Variants in UGT1A5 observed in about 807,000 individuals in gnomAD.
UGT1A5 encodes UDP glucuronosyltransferase family 1 member A5.
In UGT1A5, 29 loss-of-function variants were observed where a neutral mutation model predicts 40.3. The ratio of observed to expected loss-of-function variants is 0.72; its 90% CI spans 0.54 to 0.98. UGT1A5 has a LOEUF of 0.98. UGT1A5 is among the 50% of genes least tolerant of loss of function. The pLI, the probability that UGT1A5 is intolerant of heterozygous loss-of-function variation, is 0.00. For synonymous variants in UGT1A5, 257 were observed against 262.5 expected, an observed-to-expected ratio of 0.98 and a Z score of 0.20; for missense variants, 678 against 677.9, an observed-to-expected ratio of 1.00 and a Z score of 0.00.
chr2:233,741,753 A>G (rs1361803894), intron 1 of UGT1A5: 2 of 151,870 alleles, frequency 1.3e-5, no homozygotes, highest in African/African-American at 4.9e-5. Context: ...TTTGTTGGTT[A>G]ATGATGTGTT....
At chr2:233,760,450 C>T (rs1218272105) in intron 1 of UGT1A5, 1 of 1,614,084 alleles carries the variant, frequency 6.2e-7, no homozygotes, top group East Asian at 2.2e-5. Context: ...GCAGAGGGGA[C>T]ATGAAATAGT....
intron 1 of UGT1A5, among the ~76,000 whole-genome samples, chr2:233,738,306 T>C (rs181527860): frequency 9.5e-4 from 144 of 152,344 alleles, no homozygotes; most frequent in Non-Finnish European, 1.5e-3. Context: ...TATGTCTTTA[T>C]AGCAGTGTGT....
intron 1 of UGT1A5, among the ~76,000 whole-genome samples, chr2:233,737,258 C>A (rs552536149): frequency 6.6e-6 from 1 of 152,360 alleles, no homozygotes; most frequent in Admixed American, 6.5e-5. Context: ...CAAGCCTCAG[C>A]AATGGCGGAC....
At position 233,768,350 on chromosome 2, in the gene UGT1A5, G is replaced by A; in HGVS notation, c.1218G>A (p.Glu406=). 1 of 1,614,182 alleles carries A rather than the reference G, an allele frequency of 6.2e-7. No individual in the cohort carries two copies. Among genetic ancestry groups the A allele is most frequent in the East Asian group, 2.2e-5 (1 of 44,880 alleles). Residue 406 remains glutamate, a synonymous_variant, in exon 4 of 5, where the codon GAG becomes GAA. Transcript: ENST00000373414. ...GDQMDNAKRM[E]TKGAGVTLNV... is the part of the protein sequence containing the mutation. ...AGATGGACAATGCAAAGCGCATGGA[G>A]ACTAAGGGAGCTGGAGTGACCCTGA... is the stretch of plus-strand genomic sequence containing the variant.
chr2:233,760,385 T>A (rs368348566), intron 1 of UGT1A5: 30 of 1,614,058 alleles, frequency 1.9e-5, no homozygotes, highest in Non-Finnish European at 2.5e-5. Flanking sequence ...ATACTGTTGA[T>A]CCCAGTGGAT....
At chr2:233,729,087 G>A (rs1254975365) in intron 1 of UGT1A5, 3 of 1,612,408 alleles carry the variant, frequency 1.9e-6, no homozygotes, top group African/African-American at 1.3e-5. Context: ...AGCAGGCACA[G>A]CGTGGGGTGG....
chr2:233,718,673 G>T lies in UGT1A5; in HGVS notation c.867+4815G>T. 3 of 1,556,294 alleles carry T rather than the reference G, an allele frequency of 1.9e-6. No individual in the cohort carries two copies. The Admixed American group carries it at 5.7e-5, about 30-fold the overall frequency. ...ACGAAAGGCAGTTATAGATTAATGG[G>T]TAATAAGTAACTGGAGGAGGGCACT... On this transcript the variant is annotated intron_variant, in intron 1 of 4. Transcript: ENST00000373414.
In UGT1A5 at chr2:233,772,705, C is replaced by G. The variant is rs769331263; in HGVS notation, c.*146C>G. ...CAGCCCCAGAGTGCTTTAAAAAATT[C>G]TCTTAAATAAAAATAATAGACTCGC... is the stretch of plus-strand genomic sequence containing the variant. On this transcript the variant is annotated 3_prime_UTR_variant, in exon 5 of 5. Coordinates refer to ENST00000373414, the MANE Select transcript of UGT1A5 (RefSeq NM_019078.2). 3.4e-6 allele frequency: 5 copies of G among 1,474,690 alleles called. No individual in the cohort carries two copies. Among genetic ancestry groups the G allele is most frequent in the Non-Finnish European group, 4.5e-6 (5 of 1,119,720 alleles). 91.4% of individuals were successfully genotyped at this position (1,474,690 alleles called of 1,614,324 possible).
intron 1 of UGT1A5, chr2:233,760,624 T>G (rs1305127348): frequency 6.2e-7 from 1 of 1,614,172 alleles, no homozygotes; most frequent in Non-Finnish European, 8.5e-7. Flanking sequence ...GATCAAAACA[T>G]ACAAGAAAAT....
chr2:233,755,095 C>A, intron 1 of UGT1A5: 1 of 1,334,726 alleles, frequency 7.5e-7, no homozygotes, highest in Non-Finnish European at 1.0e-6. Context: ...CGTTTCTACG[C>A]GTCCGACAAC....
chr2:233,726,873 G>A (rs1410865062), intron 1 of UGT1A5, among the ~76,000 whole-genome samples: 1 of 151,998 alleles, frequency 6.6e-6, no homozygotes, highest in Non-Finnish European at 1.5e-5. Context: ...TATTCTCCAG[G>A]CTTCAGAGCT....
intron 1 of UGT1A5, chr2:233,760,489 A>C (rs756552149): frequency 6.2e-7 from 1 of 1,614,268 alleles, no homozygotes; most frequent in East Asian, 2.2e-5. Context: ...CTCGTTGTAC[A>C]TCAGAGACGG....
Position 233,768,287 on chromosome 2 carries a change from T to C in UGT1A5, c.1155T>C (p.Asn385=), listed in dbSNP as rs1256701591. ...ATGGTGTTTATGAAAGCATATGCAA[T>C]GGCGTTCCCATGGTGATGATGCCCT... ...GSHGVYESIC[N]GVPMVMMPLF... Residue 385 remains asparagine (N), a synonymous_variant, in exon 4 of 5, where the codon AAT becomes AAC. Coordinates refer to ENST00000373414, the MANE Select transcript of UGT1A5 (RefSeq NM_019078.2). 1 of 1,614,056 alleles carries C rather than the reference T, an allele frequency of 6.2e-7. No homozygotes were observed. Among genetic ancestry groups the C allele is most frequent in the Non-Finnish European group, 8.5e-7 (1 of 1,180,042 alleles).
intron 4 of UGT1A5, chr2:233,770,959 T>C (rs1275512956): frequency 1.3e-5 from 2 of 152,178 alleles, no homozygotes; most frequent in East Asian, 3.9e-4. Context: ...AGGGAGCTTT[T>C]ACTCATGGCA....
chr2:233,741,302 A>G (rs1379292322), intron 1 of UGT1A5, among the ~76,000 whole-genome samples: 1 of 151,744 alleles, frequency 6.6e-6, no homozygotes, highest in Non-Finnish European at 1.5e-5. Context: ...AATTGTGTAG[A>G]TACACACCAA....
rs200729912 is a variant in UGT1A5 at position 233,749,181 on chromosome 2, T to A, written c.868-17853T>A. Among the ~76,000 whole-genome samples, 4 of 151,898 alleles carry A rather than the reference T, an allele frequency of 2.6e-5. No homozygotes were observed. The East Asian group carries it at 7.7e-4, about 29-fold the overall frequency. On this transcript the variant is annotated intron_variant, in intron 1 of 4. Transcript: ENST00000373414. The stretch of plus-strand genomic sequence containing the variant: ...CCTTTTGTATTTTTATTTCTGTACT[T>A]CTTTTTATTAACATAGGTATTATTG...
chr2:233,717,657 C>T (rs2076595751), intron 1 of UGT1A5: 1 of 407,814 alleles, frequency 2.5e-6, no homozygotes, highest in South Asian at 1.8e-5. Context: ...GACAAGGAAG[C>T]ATCAGCAATC....
Position 233,769,613 on chromosome 2 carries a change from C to A in UGT1A5, c.1307+1174C>A. 6 of 1,612,708 alleles carry A rather than the reference C, an allele frequency of 3.7e-6. No individual in the cohort carries two copies. Among genetic ancestry groups the A allele is most frequent in the Non-Finnish European group, 5.1e-6 (6 of 1,179,824 alleles). Reference sequence around the variant, plus strand: ...GAGACGGAACACGGGGACACACCAGCTTGAGCAAGGGACAACAGGGGAGGA... The same window carrying A: ...GAGACGGAACACGGGGACACACCAGATTGAGCAAGGGACAACAGGGGAGGA... On this transcript the variant is annotated intron_variant, in intron 4 of 4. Transcript: ENST00000373414. The surrounding 1 kb of genome is among the most constrained non-coding windows in gnomAD (Gnocchi z 4.4).
At position 233,724,416 on chromosome 2, in the gene UGT1A5, G is replaced by A. The variant is rs1457197643; in HGVS notation, c.867+10558G>A. 2.3e-4 allele frequency among the ~76,000 whole-genome samples: 32 copies of A among 137,862 alleles called. 2 individuals are homozygous for A. The highest frequency in any genetic ancestry group is 1.2e-3 in the East Asian group (5 of 4,238). 90.4% of individuals were successfully genotyped at this position (137,862 alleles called of 152,430 possible). A position where few individuals can be genotyped will look rare whatever the true frequency, so the allele number is the denominator to read the frequency against. ...TCACTTCCCAGATGGGGTGGCTGCC[G>A]GGCGGAGAGGCTCCTCACTTCTCAG... On this transcript the variant is annotated intron_variant, in intron 1 of 4. Coordinates refer to ENST00000373414, the MANE Select transcript of UGT1A5 (RefSeq NM_019078.2).
Sources: allele counts gnomAD v4.1 joint callset (sites outside exome capture counted in the v4.1 genomes callset), GRCh38; gene constraint gnomAD v4.1.1; non-coding constraint Gnocchi (gnomAD v3.1); transcripts MANE v1.5; gene names NCBI Gene and HGNC (gene_info 2026-07-23, HGNC 2026-07-21).